Variants in IFT57 observed in about 807,000 individuals in gnomAD.
The protein encoded by IFT57 is intraflagellar transport 57.
IFT57 carries 59 observed loss-of-function variants against 56.8 expected under a neutral mutation model. The observed-to-expected ratio is 1.04, with a 90% confidence interval of 0.84 to 1.29. The LOEUF (loss-of-function observed/expected upper bound fraction) is 1.29. Among genes scored for constraint, IFT57 ranks in the 50% most tolerant of loss-of-function variants. The probability of loss-of-function intolerance (pLI) is 0.00; values close to 1 mark genes in which losing one functional copy is unlikely to be tolerated. For synonymous variants in IFT57, 209 were observed against 186.1 expected (o/e 1.12, Z -1.00); for missense variants, 470 against 522.1 (o/e 0.90, Z 0.97).
chr3:108,198,720 C>T (rs1358290262), intron 5 of IFT57, among the ~76,000 whole-genome samples: 6 of 152,100 alleles, frequency 3.9e-5, no homozygotes, highest in Non-Finnish European at 8.8e-5. Context: ...GGACTAGAGG[C>T]GTGAGTCACT....
intron 3 of IFT57, among the ~76,000 whole-genome samples, chr3:108,215,153 A>T (rs543148553): frequency 1.2e-4 from 18 of 152,248 alleles, no homozygotes; most frequent in Non-Finnish European, 1.8e-4. Context: ...CATCAAGATT[A>T]ATGACACATT....
At chr3:108,177,130 T>C (rs913259678) in intron 6 of IFT57, among the ~76,000 whole-genome samples, 1 of 151,838 alleles carries the variant, frequency 6.6e-6, no homozygotes, top group African/African-American at 2.4e-5. Flanking sequence ...TCAGTTCACT[T>C]GTAATATTTG....
At chr3:108,165,661 C>T (rs1264322493) in intron 8 of IFT57, among the ~76,000 whole-genome samples, 168 bp from the exon 9 acceptor site, 1 of 152,024 alleles carries the variant, frequency 6.6e-6, no homozygotes, top group African/African-American at 2.4e-5. Context: ...TTTTATGTCC[C>T]TAATAGGCAG....
At chr3:108,179,769 A>G (rs1054172566) in intron 6 of IFT57, among the ~76,000 whole-genome samples, 2 of 152,042 alleles carry the variant, frequency 1.3e-5, no homozygotes, top group Admixed American at 6.6e-5. Flanking sequence ...TAATTATAGA[A>G]TGTGGCTTTC....
At chr3:108,216,149 A>T (rs2080371915) in intron 3 of IFT57, among the ~76,000 whole-genome samples, 2 of 152,200 alleles carry the variant, frequency 1.3e-5, no homozygotes, top group African/African-American at 4.8e-5. Flanking sequence ...CATCAAACTT[A>T]AGGAAACAAT....
intron 4 of IFT57, among the ~76,000 whole-genome samples, chr3:108,212,686 T>C (rs770225529): frequency 2.0e-5 from 3 of 152,224 alleles, no homozygotes; most frequent in Non-Finnish European, 4.4e-5. Flanking sequence ...TAGCATCTAA[T>C]CTATTTAATA....
At chr3:108,222,035 G>C in intron 1 of IFT57, 76 bp downstream of exon 1, 1 of 1,538,688 alleles carries the variant, frequency 6.5e-7, no homozygotes, top group Non-Finnish European at 8.8e-7. Flanking sequence ...CACGAAACTG[G>C]TTCCCAGCAG....
chr3:108,207,679 A>C (rs1429791081), intron 4 of IFT57, among the ~76,000 whole-genome samples: 1 of 152,232 alleles, frequency 6.6e-6, no homozygotes, highest in Non-Finnish European at 1.5e-5. Context: ...TTCTGAGAGC[A>C]GCAGTATCAG....
At chr3:108,178,556 T>C (rs2080135909) in intron 6 of IFT57, among the ~76,000 whole-genome samples, 2 of 151,868 alleles carry the variant, frequency 1.3e-5, no homozygotes. Context: ...AAAGAACTTC[T>C]ATAAATCAAA....
chr3:108,166,920 C>G lies in IFT57; in HGVS notation c.915G>C (p.Lys305Asn), dbSNP rs755467336. 1 of 1,611,756 alleles carries G rather than the reference C, an allele frequency of 6.2e-7. No homozygotes were observed. The highest frequency in any genetic ancestry group is 1.1e-5 in the South Asian group (1 of 90,918). The change falls in exon 8 of 11, where the codon AAG becomes AAC. Residue 305 changes from lysine to asparagine, a missense_variant. Physicochemically the swap from Lys to Asn is moderately conservative, Grantham distance 94. Coordinates refer to ENST00000264538, the MANE Select transcript of IFT57 (RefSeq NM_018010.4). The part of the protein sequence containing the change: ...RTLEKISSRE[K>N]YINNQLENLV... ...AATTCTCAAGCTGATTGTTGATGTA[C>G]TTTTCTCGGCTGCTGATCTTTTCCA...
intron 1 of IFT57, among the ~76,000 whole-genome samples, chr3:108,219,995 C>A (rs2080396689): frequency 6.6e-6 from 1 of 152,238 alleles, no homozygotes; most frequent in African/African-American, 2.4e-5. Flanking sequence ...TCTAACCTAT[C>A]ACCTATGGTG....
At chr3:108,205,541 G>A (rs563139244) in intron 5 of IFT57, among the ~76,000 whole-genome samples, 1 of 151,100 alleles carries the variant, frequency 6.6e-6, no homozygotes, top group African/African-American at 2.4e-5. Flanking sequence ...CAGTATTGAT[G>A]CCTTAGTATT....
intron 6 of IFT57, among the ~76,000 whole-genome samples, chr3:108,183,940 G>A (rs1010258232): frequency 1.3e-5 from 2 of 152,002 alleles, no homozygotes; most frequent in African/African-American, 4.8e-5. Flanking sequence ...TTCAACTATT[G>A]TTATATTCAA....
At chr3:108,207,432 T>A (rs1374483139) in intron 4 of IFT57, among the ~76,000 whole-genome samples, 1 of 152,134 alleles carries the variant, frequency 6.6e-6, no homozygotes. Flanking sequence ...TATGTCTTTG[T>A]GGTGACAAGT....
intron 6 of IFT57, among the ~76,000 whole-genome samples, chr3:108,187,739 G>A (rs527365676): frequency 6.6e-6 from 1 of 151,652 alleles, no homozygotes; most frequent in African/African-American, 2.4e-5. Context: ...AAATAACAGA[G>A]GTCCTTTACT....
chr3:108,196,106 C>T (rs1212319471), intron 5 of IFT57, among the ~76,000 whole-genome samples: 1 of 151,718 alleles, frequency 6.6e-6, no homozygotes, highest in Non-Finnish European at 1.5e-5. Context: ...CACATACACC[C>T]CATAAATATG....
intron 5 of IFT57, among the ~76,000 whole-genome samples, chr3:108,203,425 A>C (rs9825709): frequency 0.096 from 14,626 of 152,230 alleles, 767 homozygotes; most frequent in Middle Eastern, 0.12. Context: ...TTGTGTAGGT[A>C]CAACTCTTGG....
rs148269344 is a variant in IFT57 at position 108,162,955 on chromosome 3, TTGTC to T, written c.1112-304_1112-301del. Among the ~76,000 whole-genome samples the T allele has an allele frequency of 3.5e-3, 533 of 152,152 alleles. 4 individuals carry two copies. Among genetic ancestry groups the T allele is most frequent in the African/African-American group, 0.012 (509 of 41,504 alleles). The stretch of plus-strand genomic sequence containing the variant: ...AAGATGATTTTATGAGCTAGTATAT[TTGTC>T]TGTAGGAAAAGGAAATACAAAAGGG... On this transcript the variant is annotated intron_variant, in intron 10 of 10. Transcript: ENST00000264538.
chr3:108,168,910 T>C (rs185990428), intron 6 of IFT57, among the ~76,000 whole-genome samples: 49 of 152,230 alleles, frequency 3.2e-4, no homozygotes, highest in African/African-American at 1.1e-3. Flanking sequence ...GGGATTTGGA[T>C]TGGTTCCAAG....
Sources: gnomAD v4.1 joint callset for allele counts (sites outside exome capture counted in the v4.1 genomes callset) on GRCh38, gnomAD v4.1.1 for gene constraint, MANE v1.5 for transcripts, NCBI Gene and HGNC (gene_info 2026-07-23, HGNC 2026-07-21) for gene names.